ATG7: variants seen among roughly 807,000 people sequenced by gnomAD.
The protein encoded by ATG7 is ubiquitin-like modifier-activating enzyme ATG7.
ATG7 carries 70 observed loss-of-function variants against 82.4 expected under a neutral mutation model. That is an observed-to-expected ratio of 0.85 (90% confidence interval 0.70 to 1.04). The LOEUF is 1.04. Among genes scored for constraint, ATG7 ranks in the 50% least tolerant of loss-of-function variants. ATG7 has a pLI of 0.00. For missense variants in ATG7, 792 were observed against 864.3 expected (o/e 0.92, Z 1.05); for synonymous variants, 287 against 313.0 (o/e 0.92, Z 0.88).
the ATG7 span, chr3:11,569,000 A>T: frequency 1.9e-6 from 2 of 1,027,228 alleles, no homozygotes; most frequent in Admixed American, 4.9e-5. The surrounding 1 kb of genome is among the most constrained non-coding windows in gnomAD (Gnocchi z 5.9). Context: ...ACCATCATCC[A>T]GGACAGAGCT....
intron 1 of ATG7, among the ~76,000 whole-genome samples, chr3:11,272,947 C>T (rs543026055): frequency 2.0e-5 from 3 of 152,302 alleles, no homozygotes; most frequent in Non-Finnish European, 4.4e-5. Flanking sequence ...AACTAATGCA[C>T]AATAAGAATC....
At position 11,299,250 on chromosome 3, in the gene ATG7, G is replaced by C; in HGVS notation, c.161-112G>C. 4 of 1,016,302 alleles carry C rather than the reference G, an allele frequency of 3.9e-6. No homozygotes were observed. In the South Asian group the frequency reaches 5.3e-5, roughly 13 times the overall value. The allele number at this position is 1,016,302 out of a possible 1,614,324, so 63.0% of individuals were successfully genotyped here. A position where few individuals can be genotyped will look rare whatever the true frequency, so the allele number is the denominator to read the frequency against. ...TATGTAGCATAGATAATCAGAAATTGGATGGGGCGCCTTGGGCTCAACAAA... is the reference window on the plus strand; with the variant it reads ...TATGTAGCATAGATAATCAGAAATTCGATGGGGCGCCTTGGGCTCAACAAA... On this transcript the variant is annotated intron_variant, in intron 4 of 20. Transcript: ENST00000693202.
intron 20 of ATG7, among the ~76,000 whole-genome samples, chr3:11,475,909 C>CACACACACACACACACACACACACACA (rs1479988312): frequency 2.0e-4 from 21 of 104,792 alleles, no homozygotes; most frequent in East Asian, 3.3e-4. Flanking sequence ...ACACACACAC[C>CACACACACACACACACACACACACACA]CCCTCCCAGA....
intron 14 of ATG7, among the ~76,000 whole-genome samples, chr3:11,349,614 T>A (rs2152793066): frequency 6.6e-6 from 1 of 152,262 alleles, no homozygotes; most frequent in South Asian, 2.1e-4. Context: ...GAATAAATGT[T>A]TTGTAAGTTG....
At chr3:11,444,963 C>A (rs2084377629) in intron 20 of ATG7, among the ~76,000 whole-genome samples, 1 of 152,196 alleles carries the variant, frequency 6.6e-6, no homozygotes, top group Non-Finnish European at 1.5e-5. Flanking sequence ...AAAAGCTCAT[C>A]ATCACTAGTC....
chr3:11,513,920 A>G (rs1033129092), intron 20 of ATG7, among the ~76,000 whole-genome samples: 2 of 152,212 alleles, frequency 1.3e-5, no homozygotes, highest in African/African-American at 4.8e-5. Flanking sequence ...TTGAGGCAGC[A>G]TCTTGCTGTG....
chr3:11,287,376 C>G (rs149012238), intron 3 of ATG7, among the ~76,000 whole-genome samples: 14 of 152,204 alleles, frequency 9.2e-5, no homozygotes, highest in African/African-American at 3.1e-4. Context: ...GTCACAGAAG[C>G]AAGGTGAGGG....
chr3:11,422,903 C>T (rs936809704), intron 19 of ATG7, among the ~76,000 whole-genome samples: 16 of 151,754 alleles, frequency 1.1e-4, no homozygotes, highest in Admixed American at 3.9e-4. Flanking sequence ...TACAGGCGTG[C>T]GCCACTATGC....
chr3:11,416,021 C>G (rs1423647327), intron 19 of ATG7, among the ~76,000 whole-genome samples: 2 of 152,150 alleles, frequency 1.3e-5, no homozygotes, highest in Non-Finnish European at 2.9e-5. Flanking sequence ...TTTTTCGGCT[C>G]CATTATAATC....
chr3:11,279,099 A>G (rs375036919), intron 1 of ATG7, among the ~76,000 whole-genome samples: 2 of 152,258 alleles, frequency 1.3e-5, no homozygotes, highest in East Asian at 3.9e-4. Context: ...CTCCTCATCC[A>G]GGGGTCCTTG....
At chr3:11,438,088 C>G (rs766244507) in intron 20 of ATG7, among the ~76,000 whole-genome samples, 4 of 152,162 alleles carry the variant, frequency 2.6e-5, no homozygotes, top group Admixed American at 6.5e-5. Context: ...TCCCTTGACA[C>G]CCTCACGCTC....
At position 11,505,595 on chromosome 3, in the gene ATG7, C is replaced by T. The variant is rs188976591; in HGVS notation, c.2080-49216C>T. On this transcript the variant is annotated intron_variant, in intron 20 of 20. Transcript: ENST00000693202. ...TCCTTTACAAGTCCTTACCTCCGAC[C>T]GCAAAAGAGTCTTCTAAAGACCACT... is the stretch of plus-strand genomic sequence containing the variant. Among the ~76,000 whole-genome samples the T allele has an allele frequency of 3.3e-5, 5 of 152,258 alleles. No individual in the cohort carries two copies. The East Asian group carries it at 5.8e-4, about 18-fold the overall frequency.
Position 11,554,900 on chromosome 3 carries a change from C to G in ATG7, c.*57C>G. The stretch of plus-strand genomic sequence containing the variant: ...GGCCGCCTGCTGAGGAGCTCTCCAT[C>G]GCCAGAGCAGGACTGCTGACCCCAG... On this transcript the variant is annotated 3_prime_UTR_variant, in exon 21 of 21. Transcript: ENST00000693202. 1 of 1,592,678 alleles carries G rather than the reference C, an allele frequency of 6.3e-7. No individual in the cohort carries two copies. The highest frequency in any genetic ancestry group is 1.1e-5 in the South Asian group (1 of 89,036).
chr3:11,502,087 C>T (rs929797777), intron 20 of ATG7, among the ~76,000 whole-genome samples: 3 of 151,800 alleles, frequency 2.0e-5, no homozygotes, highest in Non-Finnish European at 2.9e-5. Flanking sequence ...ATAACAGTAA[C>T]ATATGTCATT....
intron 1 of ATG7, among the ~76,000 whole-genome samples, chr3:11,277,836 T>G (rs1942143765): frequency 6.8e-6 from 1 of 148,050 alleles, no homozygotes; most frequent in Non-Finnish European, 1.5e-5. Context: ...CAGGGCATAT[T>G]TCAGTCCTTA....
chr3:11,360,675 C>T lies in ATG7; in HGVS notation c.1574C>T (p.Pro525Leu). 1.2e-6 allele frequency: 2 copies of T among 1,614,118 alleles called. No homozygotes were observed. The highest frequency in any genetic ancestry group is 1.7e-6 in the Non-Finnish European group (2 of 1,180,012). ...PKQQGAGDLC[P>L]NHPVASADLL... ...CAGCAAGGAGCTGGGGACTTGTGTC[C>T]AAACCACCCTGTGGCATCTGCTGAC... The change falls in exon 16 of 21, where the codon CCA becomes CTA. Residue 525 changes from proline to leucine, a missense_variant. By Grantham distance (98) the Pro-to-Leu change is moderately conservative. Coordinates refer to ENST00000693202, the MANE Select transcript of ATG7 (RefSeq NM_001349232.2).
In ATG7 at chr3:11,550,222, A is replaced by AT. The variant is rs532717203; in HGVS notation, c.2080-4580dup. 2.6e-4 allele frequency among the ~76,000 whole-genome samples: 38 copies of AT among 146,352 alleles called. No homozygotes were observed. The East Asian group carries it at 3.4e-3, about 13-fold the overall frequency. On this transcript the variant is annotated intron_variant, in intron 20 of 20. Coordinates refer to ENST00000693202, the MANE Select transcript of ATG7 (RefSeq NM_001349232.2). ...TTTAATTCTTGTGAAATGCAAACCC[A>AT]TTTTTTTTTCTGGTTAGTACTTTTT...
downstream of ATG7, chr3:11,558,454 T>TGG: frequency 1.4e-5 from 15 of 1,064,144 alleles, no homozygotes; most frequent in Non-Finnish European, 1.8e-5. Context: ...TCCCTTCCCT[T>TGG]CCCCCCACCC....
rs542336105 is a variant in ATG7 at position 11,489,109 on chromosome 3, A to G, written c.2079+62183A>G. On this transcript the variant is annotated intron_variant, in intron 20 of 20. Coordinates refer to ENST00000693202, the MANE Select transcript of ATG7 (RefSeq NM_001349232.2). ...TGTTATTGGTCTATTCAGAAATTCA[A>G]CTTCTTCCTGGTTTAGTCTTGGGAG... Among the ~76,000 whole-genome samples, 493 of 152,292 alleles carry G rather than the reference A, an allele frequency of 3.2e-3. 2 individuals carry two copies. The highest frequency in any genetic ancestry group is 0.011 in the African/African-American group (466 of 41,542).
Sources: allele counts gnomAD v4.1 joint callset (sites outside exome capture counted in the v4.1 genomes callset), GRCh38; gene constraint gnomAD v4.1.1; non-coding constraint Gnocchi (gnomAD v3.1); transcripts MANE v1.5; gene names NCBI Gene and HGNC (gene_info 2026-07-23, HGNC 2026-07-21).